UNC13C: variants seen among roughly 807,000 people sequenced by gnomAD.
UNC13C encodes unc-13 homolog C, also known as protein unc-13 homolog C.
Under a neutral mutation model 245.4 loss-of-function variants are expected in UNC13C, and 174 were observed. The observed-to-expected ratio is 0.71, with a 90% CI of 0.63 to 0.80. The LOEUF is 0.80. Among genes scored for constraint, UNC13C ranks in the 30% least tolerant of loss-of-function variants. The probability of loss-of-function intolerance (pLI) is 0.00; values close to 1 mark genes in which losing one functional copy is unlikely to be tolerated. For missense variants in UNC13C, 2,829 were observed against 2,602.9 expected (o/e 1.09, Z -1.89); for synonymous variants, 992 against 895.1 (o/e 1.11, Z -1.93).
At chr15:54,296,391 T>TTTTTTTTTG (rs529076917) in intron 11 of UNC13C, among the ~76,000 whole-genome samples, 22 of 137,892 alleles carry the variant, frequency 1.6e-4, no homozygotes, top group African/African-American at 3.5e-4. Context: ...TTATTTTTTT[T>TTTTTTTTTG]TATTTTTTAG....
At chr15:54,529,066 C>T (rs935781038) in intron 25 of UNC13C, among the ~76,000 whole-genome samples, 10 of 152,058 alleles carry the variant, frequency 6.6e-5, no homozygotes, top group African/African-American at 2.4e-4. Context: ...ATGCAGAGAG[C>T]CAAGAAATGA....
At chr15:54,056,353 G>A (rs1897521634) in intron 2 of UNC13C, among the ~76,000 whole-genome samples, 1 of 152,064 alleles carries the variant, frequency 6.6e-6, no homozygotes, top group South Asian at 2.1e-4. Context: ...TGGAAGAAAG[G>A]GTATCAGCAA....
chr15:54,241,322 T>C (rs928216701), intron 7 of UNC13C, among the ~76,000 whole-genome samples: 1 of 152,002 alleles, frequency 6.6e-6, no homozygotes, highest in Admixed American at 6.5e-5. Context: ...GTGGAGGTAA[T>C]CAGGAGATCA....
intron 17 of UNC13C, among the ~76,000 whole-genome samples, chr15:54,356,860 T>C (rs1215766764): frequency 1.3e-5 from 2 of 152,180 alleles, no homozygotes; most frequent in African/African-American, 4.8e-5. Flanking sequence ...TATCTAAATA[T>C]TGATAAGTTT....
chr15:54,075,820 C>T (rs559619865), intron 2 of UNC13C, among the ~76,000 whole-genome samples: 11 of 124,982 alleles, frequency 8.8e-5, no homozygotes, highest in African/African-American at 2.8e-4. Flanking sequence ...CCCTGTTTAA[C>T]TATCATCTTC....
intron 30 of UNC13C, among the ~76,000 whole-genome samples, chr15:54,599,777 TTC>T (rs1271563347): frequency 6.6e-6 from 1 of 152,110 alleles, no homozygotes; most frequent in African/African-American, 2.4e-5. Context: ...CCTATTATGT[TTC>T]TGTCTTCTAT....
intron 2 of UNC13C, among the ~76,000 whole-genome samples, chr15:54,074,055 A>G (rs1244162374): frequency 6.6e-6 from 1 of 152,128 alleles, no homozygotes; most frequent in Non-Finnish European, 1.5e-5. Context: ...TAATTTTTGT[A>G]TAAGGTGTAA....
intron 1 of UNC13C, among the ~76,000 whole-genome samples, chr15:53,998,992 A>G (rs1042159768): frequency 6.6e-6 from 1 of 151,870 alleles, no homozygotes; most frequent in Non-Finnish European, 1.5e-5. Context: ...ACATTTCTAT[A>G]TTTTATTTGC....
At chr15:54,316,133 C>G (rs1456616592) in intron 13 of UNC13C, among the ~76,000 whole-genome samples, 1 of 151,850 alleles carries the variant, frequency 6.6e-6, no homozygotes, top group East Asian at 1.9e-4. Context: ...TATATTTACT[C>G]TAAGATTTTG....
intron 4 of UNC13C, among the ~76,000 whole-genome samples, chr15:54,146,553 G>C (rs1194887123): frequency 6.6e-6 from 1 of 152,138 alleles, no homozygotes. Context: ...CACAATAAAA[G>C]TTCAGACAGG....
intron 2 of UNC13C, among the ~76,000 whole-genome samples, chr15:54,059,291 A>G (rs1263941919): frequency 6.6e-6 from 1 of 152,194 alleles, no homozygotes; most frequent in Non-Finnish European, 1.5e-5. Context: ...TCAGTGTGCA[A>G]AAATCACAAG....
At chr15:54,213,826 A>G (rs752094994) in intron 4 of UNC13C, among the ~76,000 whole-genome samples, 1 of 151,998 alleles carries the variant, frequency 6.6e-6, no homozygotes, top group Non-Finnish European at 1.5e-5. Context: ...CAACTTGCCA[A>G]CCTAACAGGT....
intron 2 of UNC13C, among the ~76,000 whole-genome samples, chr15:54,104,093 G>A (rs1415365895): frequency 1.3e-5 from 2 of 152,168 alleles, no homozygotes; most frequent in East Asian, 3.9e-4. Context: ...TTCTTTCATG[G>A]TCCTTGGGCC....
the UNC13C span, among the ~76,000 whole-genome samples, chr15:53,886,233 A>G: frequency 6.6e-6 from 1 of 152,200 alleles, no homozygotes; most frequent in Non-Finnish European, 1.5e-5. Flanking sequence ...ACAAAAAGAA[A>G]TAGAGCTTCT....
chr15:54,497,588 C>A (rs1894013142), intron 20 of UNC13C, among the ~76,000 whole-genome samples: 1 of 151,924 alleles, frequency 6.6e-6, no homozygotes, highest in African/African-American at 2.4e-5. Flanking sequence ...TAGAAAGTGG[C>A]CACTAAGAGA....
At chr15:54,555,919 A>G (rs1421065478) in intron 29 of UNC13C, among the ~76,000 whole-genome samples, 1 of 152,062 alleles carries the variant, frequency 6.6e-6, no homozygotes, top group Non-Finnish European at 1.5e-5. Flanking sequence ...TTTTCTATGC[A>G]TGTTGAAATT....
intron 28 of UNC13C, among the ~76,000 whole-genome samples, chr15:54,552,043 C>A (rs956419947): frequency 2.6e-5 from 4 of 150,994 alleles, no homozygotes; most frequent in African/African-American, 9.7e-5. Flanking sequence ...AATTTCAGAA[C>A]TCCTATTTAG....
the UNC13C span, among the ~76,000 whole-genome samples, chr15:53,904,486 A>G: frequency 6.6e-6 from 1 of 152,168 alleles, no homozygotes; most frequent in Non-Finnish European, 1.5e-5. Context: ...TTTCATTAAA[A>G]ATGAAAAAAA....
intron 2 of UNC13C, among the ~76,000 whole-genome samples, chr15:54,135,813 AT>A (rs1182903759): frequency 3.3e-5 from 5 of 151,752 alleles, no homozygotes; most frequent in African/African-American, 1.2e-4. Flanking sequence ...AAGTTTTAGA[AT>A]TTTTTTTCTA....
Sources: gnomAD v4.1 joint callset for allele counts (sites outside exome capture counted in the v4.1 genomes callset) on GRCh38, gnomAD v4.1.1 for gene constraint, MANE v1.5 for transcripts, NCBI Gene and HGNC (gene_info 2026-07-23, HGNC 2026-07-21) for gene names.